The following ANKRD12 variants were observed in gnomAD, a reference collection of about 807,000 sequenced individuals.
The protein encoded by ANKRD12 is ankyrin repeat domain 12.
A neutral mutation model predicts 183.4 loss-of-function variants in ANKRD12; 85 were observed. The observed-to-expected ratio is 0.46, with a 90% CI of 0.39 to 0.56. ANKRD12 has a LOEUF of 0.56. Among genes scored for constraint, ANKRD12 ranks in the 20% least tolerant of loss-of-function variants. ANKRD12 has a pLI of 0.00. For missense variants in ANKRD12, 2,405 were observed against 2,357.1 expected, an observed-to-expected ratio of 1.02 and a Z score of -0.42; for synonymous variants, 914 against 800.2, an observed-to-expected ratio of 1.14 and a Z score of -2.40.
intron 8 of ANKRD12, among the ~76,000 whole-genome samples, chr18:9,244,532 C>G (rs58016249): frequency 0.013 from 2,040 of 152,154 alleles, 53 homozygotes; most frequent in African/African-American, 0.046. Flanking sequence ...CAGCAACAAG[C>G]AATTGACATA....
chr18:9,228,439 G>A (rs1409063106), intron 8 of ANKRD12, among the ~76,000 whole-genome samples: 1 of 152,124 alleles, frequency 6.6e-6, no homozygotes, highest in Non-Finnish European at 1.5e-5. Context: ...CCCACTAACA[G>A]TGTAAAAGAG....
At chr18:9,173,122 T>A (rs2032909485) in intron 1 of ANKRD12, among the ~76,000 whole-genome samples, 1 of 148,862 alleles carries the variant, frequency 6.7e-6, no homozygotes, top group African/African-American at 2.5e-5. Flanking sequence ...CAGGCTGGAG[T>A]GCAGTGGCAC....
chr18:9,283,297 G>C lies in ANKRD12; in HGVS notation c.*2171G>C, dbSNP rs1300008611. On this transcript the variant is annotated 3_prime_UTR_variant, in exon 13 of 13. Transcript: ENST00000262126. ...GATAAAAGCGACAAGAAGGAATCTGGTGAATTTTAGTCATCCCAGCTTTTT... is the reference window on the plus strand; with the variant it reads ...GATAAAAGCGACAAGAAGGAATCTGCTGAATTTTAGTCATCCCAGCTTTTT... 2 of 152,092 alleles carry C rather than the reference G, an allele frequency of 1.3e-5. No homozygotes were observed. The highest frequency in any genetic ancestry group is 4.8e-5 in the African/African-American group (2 of 41,410). The allele number at this position is 152,092 out of a possible 1,614,324, so 9.4% of individuals were successfully genotyped here.
At position 9,150,399 on chromosome 18, in the gene ANKRD12, A is replaced by G. The variant is rs1056265677; in HGVS notation, c.-52+13434A>G. 3.9e-5 allele frequency among the ~76,000 whole-genome samples: 6 copies of G among 152,136 alleles called. No individual in the cohort carries two copies. In the East Asian group the frequency reaches 5.8e-4, roughly 15 times the overall value. On this transcript the variant is annotated intron_variant, in intron 1 of 12. Transcript: ENST00000262126. ...GAGGAAACCAAGTAGAAATGGATCT[A>G]TGTTATTATTTTAAAAGAATTTTTT...
intron 10 of ANKRD12, among the ~76,000 whole-genome samples, chr18:9,270,655 T>G (rs2039551486): frequency 6.6e-6 from 1 of 152,012 alleles, no homozygotes; most frequent in Admixed American, 6.6e-5. Flanking sequence ...TTAGGAGAGA[T>G]ACCTAATATT....
chr18:9,210,393 T>A (rs1024136279), intron 5 of ANKRD12, among the ~76,000 whole-genome samples: 3 of 151,952 alleles, frequency 2.0e-5, no homozygotes, highest in Non-Finnish European at 4.4e-5. Flanking sequence ...AAAACTTCTG[T>A]AGGAAACTAT....
At chr18:9,196,899 C>T (rs1227252967) in intron 3 of ANKRD12, among the ~76,000 whole-genome samples, 4 of 151,864 alleles carry the variant, frequency 2.6e-5, no homozygotes, top group Non-Finnish European at 4.4e-5. Context: ...ATTACTGGAT[C>T]GCTTACCTGA....
rs181088830 is a variant in ANKRD12, at chr18:9,152,664, A to T, written c.-52+15699A>T. Among the ~76,000 whole-genome samples the T allele has an allele frequency of 6.4e-3, 965 of 151,916 alleles. 4 individuals are homozygous for T. The highest frequency in any genetic ancestry group is 0.021 in the African/African-American group (870 of 41,438). On this transcript the variant is annotated intron_variant, in intron 1 of 12. Transcript: ENST00000262126. ...CATTCTATTTACCACACTTAAAAAA[A>T]TTTTTTTCTGCCTTCTGTCACATAG...
intron 1 of ANKRD12, among the ~76,000 whole-genome samples, chr18:9,141,166 A>G (rs573948335): frequency 7.9e-5 from 12 of 152,234 alleles, no homozygotes; most frequent in African/African-American, 2.6e-4. Context: ...TGGGAATCAT[A>G]GAACATAGGC....
At chr18:9,233,920 G>A (rs891974907) in intron 8 of ANKRD12, among the ~76,000 whole-genome samples, 1 of 152,188 alleles carries the variant, frequency 6.6e-6, no homozygotes, top group Non-Finnish European at 1.5e-5. Context: ...TTAGATGCCA[G>A]TAACGGCACA....
At position 9,254,976 on chromosome 18, in the gene ANKRD12, G is replaced by T. The variant is rs1421132644; in HGVS notation, c.1709G>T (p.Gly570Val). 1 of 1,607,170 alleles carries T rather than the reference G, an allele frequency of 6.2e-7. No individual in the cohort carries two copies. The highest frequency in any genetic ancestry group is 8.5e-7 in the Non-Finnish European group (1 of 1,177,408). Residue 570 changes from glycine (G) to valine (V), a missense_variant, in exon 9 of 13, where the codon GGA (glycine) becomes GTA (valine). Physicochemically the swap from Gly to Val is moderately radical, Grantham distance 109. Transcript: ENST00000262126. ...CATACTAAAACATGTTTATCACCAG[G>T]AAGTTCTGAAATGTCATTACAGCCT... ...QEHTKTCLSP[G>V]SSEMSLQPDL... is the part of the protein sequence containing the mutation.
chr18:9,240,421 C>T (rs2037594820), intron 8 of ANKRD12, among the ~76,000 whole-genome samples: 1 of 152,100 alleles, frequency 6.6e-6, no homozygotes, highest in Admixed American at 6.5e-5. Context: ...GGTGCGAGAA[C>T]TCAGTCATAT....
At chr18:9,216,015 CTTT>C (rs36084675) in intron 6 of ANKRD12, among the ~76,000 whole-genome samples, 1 of 141,306 alleles carries the variant, frequency 7.1e-6, no homozygotes. Flanking sequence ...GCTGCTTTTA[CTTT>C]TTTTTTTTTT....
intron 8 of ANKRD12, among the ~76,000 whole-genome samples, chr18:9,245,798 TCATGA>T (rs1456980336): frequency 6.6e-6 from 1 of 152,176 alleles, no homozygotes; most frequent in African/African-American, 2.4e-5. Flanking sequence ...ATATACTCAA[TCATGA>T]AATAAAGATA....
chr18:9,283,164 G>C lies in ANKRD12; in HGVS notation c.*2038G>C, dbSNP rs1208981464. On this transcript the variant is annotated 3_prime_UTR_variant, in exon 13 of 13. Transcript: ENST00000262126. ...AAAAACCAGATAATTGAACTTTGAA[G>C]TTATAGAAAATCAGAGAGGGGTAAG... The C allele has an allele frequency of 6.6e-6, 1 of 152,104 alleles. No individual in the cohort carries two copies. The highest frequency in any genetic ancestry group is 1.5e-5 in the Non-Finnish European group (1 of 67,968). The allele number at this position is 152,104 out of a possible 1,614,324, so 9.4% of individuals were successfully genotyped here.
At chr18:9,178,234 G>C (rs992676874) in intron 1 of ANKRD12, among the ~76,000 whole-genome samples, 1 of 152,032 alleles carries the variant, frequency 6.6e-6, no homozygotes, top group Non-Finnish European at 1.5e-5. Context: ...TTTTCTGCTA[G>C]AAGTGGTGTA....
chr18:9,269,445 G>A (rs996487267), intron 10 of ANKRD12, among the ~76,000 whole-genome samples: 5 of 152,280 alleles, frequency 3.3e-5, no homozygotes, highest in Admixed American at 6.5e-5. Context: ...GAACAGAACA[G>A]AGCCCTCAGA....
chr18:9,209,938 T>G (rs997604917), intron 5 of ANKRD12, among the ~76,000 whole-genome samples: 2 of 152,158 alleles, frequency 1.3e-5, no homozygotes, highest in Non-Finnish European at 2.9e-5. Context: ...GTTAACAGTT[T>G]CTTATCTTTA....
At chr18:9,212,433 A>G (rs998658672) in intron 6 of ANKRD12, among the ~76,000 whole-genome samples, 2 of 150,322 alleles carry the variant, frequency 1.3e-5, no homozygotes, top group African/African-American at 4.9e-5. Context: ...ATCTGTATCA[A>G]TCTGTAGTTC....
Sources: allele counts gnomAD v4.1 joint callset (sites outside exome capture counted in the v4.1 genomes callset), GRCh38; gene constraint gnomAD v4.1.1; transcripts MANE v1.5; gene names NCBI Gene and HGNC (gene_info 2026-07-23, HGNC 2026-07-21).